The following CMSS1 variants were observed in gnomAD, a reference collection of about 807,000 sequenced individuals.
CMSS1 encodes the protein cms1 ribosomal small subunit homolog, also known as protein CMSS1.
In CMSS1, 33 loss-of-function variants were observed where a neutral mutation model predicts 43.5. That is an observed-to-expected ratio of 0.76 (90% CI 0.57 to 1.01). The LOEUF (loss-of-function observed/expected upper bound fraction) is 1.01. Ranked by LOEUF, CMSS1 falls within the 50% of genes least tolerant of loss-of-function variation. The pLI is 0.00. For synonymous variants in CMSS1, 115 were observed against 117.2 expected, an observed-to-expected ratio of 0.98 and a Z score of 0.12; for missense variants, 313 against 326.4, an observed-to-expected ratio of 0.96 and a Z score of 0.32.
intron 1 of CMSS1, among the ~76,000 whole-genome samples, chr3:99,909,468 A>G (rs982893435): frequency 6.6e-6 from 1 of 152,146 alleles, no homozygotes; most frequent in Admixed American, 6.6e-5. Context: ...CCCTTGTACA[A>G]TAGTTACTTG....
At position 100,157,226 on chromosome 3, in the gene CMSS1, A is replaced by G. The variant is rs551595957; in HGVS notation, c.154-3204A>G. ...CCTTCCTCGTTTATTTTTATTCCAC[A>G]TTTCTTATTTGTTTTAATGCTTAAC... On this transcript the variant is annotated intron_variant, in intron 2 of 9. Transcript: ENST00000421999. Among the ~76,000 whole-genome samples the G allele has an allele frequency of 2.0e-5, 3 of 151,488 alleles. No individual in the cohort carries two copies. The South Asian group carries it at 6.3e-4, about 32-fold the overall frequency.
At chr3:100,080,049 G>A (rs1053878783) in intron 1 of CMSS1, among the ~76,000 whole-genome samples, 7 of 151,956 alleles carry the variant, frequency 4.6e-5, no homozygotes, top group African/African-American at 1.5e-4. Context: ...CAAAATTAAC[G>A]GTGTCAACAC....
intron 1 of CMSS1, among the ~76,000 whole-genome samples, chr3:99,999,414 A>ATGGG (rs766534938): frequency 5.9e-5 from 9 of 152,160 alleles, no homozygotes; most frequent in Non-Finnish European, 1.3e-4. Flanking sequence ...GGATGGATGG[A>ATGGG]TGGGTGGGTG....
At chr3:100,121,104 TTTTAATTC>T (rs1319624562) in intron 1 of CMSS1, among the ~76,000 whole-genome samples, 1 of 152,202 alleles carries the variant, frequency 6.6e-6, no homozygotes, top group Non-Finnish European at 1.5e-5. Flanking sequence ...AAACTCTTTT[TTTTAATTC>T]TTTAAGTTCT....
intron 1 of CMSS1, among the ~76,000 whole-genome samples, chr3:100,079,655 A>G (rs1284981705): frequency 1.3e-5 from 2 of 152,156 alleles, no homozygotes; most frequent in African/African-American, 2.4e-5. Flanking sequence ...TTTTCAATTC[A>G]TTGTGAGGTT....
chr3:100,156,299 CTT>C (rs34413816), intron 2 of CMSS1, among the ~76,000 whole-genome samples: 38 of 73,112 alleles, frequency 5.2e-4, no homozygotes, highest in African/African-American at 1.2e-3. Context: ...AATTTTTTTT[CTT>C]TTTTTTTTTT....
intron 1 of CMSS1, chr3:99,850,157 T>A: frequency 1.2e-6 from 2 of 1,611,106 alleles, no homozygotes; most frequent in Admixed American, 3.4e-5. Flanking sequence ...TTTTCACTCA[T>A]TGTTTTCCGT....
chr3:99,930,918 G>C, intron 1 of CMSS1: 1 of 1,613,522 alleles, frequency 6.2e-7, no homozygotes, highest in Non-Finnish European at 8.5e-7. Flanking sequence ...TTGTCTTGCT[G>C]TCTATGCTTC....
intron 1 of CMSS1, among the ~76,000 whole-genome samples, chr3:100,065,137 C>T (rs2065642205): frequency 6.6e-6 from 1 of 152,162 alleles, no homozygotes; most frequent in South Asian, 2.1e-4. Flanking sequence ...AATATATACA[C>T]TGGGCAGTCT....
chr3:99,830,578 G>T, intron 1 of CMSS1: 1 of 456,558 alleles, frequency 2.2e-6, no homozygotes, highest in South Asian at 1.5e-5. Flanking sequence ...ATCCGTGCTG[G>T]GATTCTCTGC....
At chr3:100,080,632 C>G (rs762770312) in intron 1 of CMSS1, among the ~76,000 whole-genome samples, 20 of 152,202 alleles carry the variant, frequency 1.3e-4, no homozygotes, top group Non-Finnish European at 2.4e-4. Flanking sequence ...ATGCCTTGTT[C>G]TGTTCTCCCG....
chr3:100,173,430 C>T (rs1270064835), intron 8 of CMSS1, among the ~76,000 whole-genome samples: 1 of 152,060 alleles, frequency 6.6e-6, no homozygotes, highest in Non-Finnish European at 1.5e-5. Flanking sequence ...GTTAAGTCAC[C>T]CTCCCCAAGG....
At chr3:100,021,016 T>C (rs9853823) in intron 1 of CMSS1, among the ~76,000 whole-genome samples, 31,984 of 152,152 alleles carry the variant, frequency 0.21, 3,496 homozygotes, top group South Asian at 0.26. Flanking sequence ...CTGCCCGCCT[T>C]GGCCTCGCAA....
chr3:100,083,856 G>A (rs2065967355), intron 1 of CMSS1, among the ~76,000 whole-genome samples: 1 of 152,150 alleles, frequency 6.6e-6, no homozygotes, highest in Admixed American at 6.6e-5. Flanking sequence ...ATTAAGGCAT[G>A]AGCCACGGTG....
intron 1 of CMSS1, among the ~76,000 whole-genome samples, chr3:100,084,077 C>A (rs1184608578): frequency 2.0e-5 from 3 of 152,134 alleles, no homozygotes; most frequent in African/African-American, 7.2e-5. Context: ...TACCCCCATG[C>A]CAGCAGAAAG....
In CMSS1 at chr3:100,022,986, T is replaced by C. The variant is rs578032004; in HGVS notation, c.65-123987T>C. Reference sequence around the variant, plus strand: ...TGCAATCTCTTGCTTTTTAGATTTCTACTGACATTTTTGCCTGCTGTTAGA... The same window carrying C: ...TGCAATCTCTTGCTTTTTAGATTTCCACTGACATTTTTGCCTGCTGTTAGA... On this transcript the variant is annotated intron_variant, in intron 1 of 9. Coordinates refer to ENST00000421999, the MANE Select transcript of CMSS1 (RefSeq NM_032359.4). Among the ~76,000 whole-genome samples, 3 of 152,344 alleles carry C rather than the reference T, an allele frequency of 2.0e-5. No individual in the cohort carries two copies. The East Asian group carries it at 5.8e-4, about 29-fold the overall frequency.
intron 1 of CMSS1, among the ~76,000 whole-genome samples, chr3:99,889,709 T>A (rs769895647): frequency 2.0e-5 from 3 of 152,058 alleles, no homozygotes; most frequent in Non-Finnish European, 4.4e-5. Context: ...ATACATACTG[T>A]ATTCCTATTC....
chr3:100,136,020 A>G (rs548417624), intron 1 of CMSS1, among the ~76,000 whole-genome samples: 6 of 152,192 alleles, frequency 3.9e-5, no homozygotes, highest in Non-Finnish European at 8.8e-5. Flanking sequence ...AATGTACATC[A>G]GGCTATAGCT....
At chr3:99,963,673 G>A (rs150407729) in intron 1 of CMSS1, among the ~76,000 whole-genome samples, 125 of 151,838 alleles carry the variant, frequency 8.2e-4, no homozygotes, top group African/African-American at 2.8e-3. Context: ...GTGCAGTGGC[G>A]TGATCTCGGT....
Sources: gnomAD v4.1 joint callset for allele counts (sites outside exome capture counted in the v4.1 genomes callset) on GRCh38, gnomAD v4.1.1 for gene constraint, MANE v1.5 for transcripts, NCBI Gene and HGNC (gene_info 2026-07-23, HGNC 2026-07-21) for gene names.